The following CHCHD3 variants were observed in gnomAD, a reference collection of about 807,000 sequenced individuals.
CHCHD3 encodes the protein MICOS complex subunit MIC19.
Under a neutral mutation model 38.2 loss-of-function variants are expected in CHCHD3, and 20 were observed. The ratio of observed to expected loss-of-function variants is 0.52; its 90% confidence interval spans 0.37 to 0.76. The LOEUF (loss-of-function observed/expected upper bound fraction) is 0.76, where lower values mean the gene tolerates loss of function less well. Ranked by LOEUF, CHCHD3 falls within the 30% of genes least tolerant of loss-of-function variation. The probability of loss-of-function intolerance (pLI) is 0.00; values close to 1 mark genes in which losing one functional copy is unlikely to be tolerated. For missense variants in CHCHD3, 245 were observed against 279.2 expected, an observed-to-expected ratio of 0.88 and a Z score of 0.87; for synonymous variants, 82 against 100.0, an observed-to-expected ratio of 0.82 and a Z score of 1.07.
intron 5 of CHCHD3, among the ~76,000 whole-genome samples, chr7:132,853,266 A>C (rs1480977597): frequency 6.6e-6 from 1 of 152,210 alleles, no homozygotes; most frequent in Non-Finnish European, 1.5e-5. Context: ...TTAAGCTCAA[A>C]GAATCACTAT....
intron 5 of CHCHD3, among the ~76,000 whole-genome samples, chr7:132,880,623 A>G (rs1475676930): frequency 6.9e-6 from 1 of 145,374 alleles, no homozygotes; most frequent in Non-Finnish European, 1.5e-5. Flanking sequence ...TATGCAAGTT[A>G]TGGAACCTCA....
intron 3 of CHCHD3, among the ~76,000 whole-genome samples, chr7:132,994,296 C>T (rs1812358812): frequency 6.6e-6 from 1 of 152,146 alleles, no homozygotes; most frequent in East Asian, 1.9e-4. Flanking sequence ...TTGTAGCTCA[C>T]TAATAATAAT....
intron 5 of CHCHD3, among the ~76,000 whole-genome samples, chr7:132,882,175 C>T (rs929876733): frequency 6.6e-6 from 1 of 152,110 alleles, no homozygotes; most frequent in African/African-American, 2.4e-5. Context: ...CCCCAATCAC[C>T]ATGAAGATGA....
chr7:133,018,104 A>G (rs1461255919), intron 3 of CHCHD3, among the ~76,000 whole-genome samples: 1 of 152,270 alleles, frequency 6.6e-6, no homozygotes, highest in East Asian at 1.9e-4. Context: ...ATTTAAAAAA[A>G]CAGCAAAAAT....
chr7:133,031,834 G>A (rs980208554), intron 2 of CHCHD3, among the ~76,000 whole-genome samples: 1 of 152,108 alleles, frequency 6.6e-6, no homozygotes, highest in Non-Finnish European at 1.5e-5. Context: ...CCAGGATTGA[G>A]ATAGTTGAGC....
At chr7:132,959,178 C>T (rs144602391) in intron 4 of CHCHD3, among the ~76,000 whole-genome samples, 11 of 152,352 alleles carry the variant, frequency 7.2e-5, no homozygotes, top group Admixed American at 5.2e-4. Flanking sequence ...ATTCTACCTA[C>T]ACCTAACTCC....
intron 4 of CHCHD3, among the ~76,000 whole-genome samples, chr7:132,911,612 T>C (rs1809954198): frequency 6.6e-6 from 1 of 152,264 alleles, no homozygotes; most frequent in Non-Finnish European, 1.5e-5. Context: ...TGTACCGTTA[T>C]ATTTAAAACT....
intron 5 of CHCHD3, among the ~76,000 whole-genome samples, chr7:132,862,922 C>T (rs1222100661): frequency 6.6e-6 from 1 of 152,220 alleles, no homozygotes; most frequent in Non-Finnish European, 1.5e-5. Context: ...CATCTTTGGG[C>T]TCCACTTCTA....
chr7:132,910,574 T>C (rs1385446759), intron 4 of CHCHD3, among the ~76,000 whole-genome samples: 2 of 152,216 alleles, frequency 1.3e-5, no homozygotes, highest in Non-Finnish European at 2.9e-5. Context: ...CACTTCTATG[T>C]GTCATTTTCT....
intron 7 of CHCHD3, among the ~76,000 whole-genome samples, chr7:132,787,208 CGGACGCCAG>C (rs1047268035): frequency 6.6e-6 from 1 of 152,118 alleles, no homozygotes; most frequent in African/African-American, 2.4e-5. Context: ...GGGCCCAGGA[CGGACGCCAG>C]GCTGAGACAT....
chr7:132,954,362 C>T (rs184224009), intron 4 of CHCHD3, among the ~76,000 whole-genome samples: 3 of 152,302 alleles, frequency 2.0e-5, no homozygotes. Flanking sequence ...GATTACATGG[C>T]TCTGTTACAA....
intron 6 of CHCHD3, among the ~76,000 whole-genome samples, chr7:132,836,836 G>A (rs1266461289): frequency 6.6e-6 from 1 of 152,106 alleles, no homozygotes; most frequent in Non-Finnish European, 1.5e-5. Flanking sequence ...TCCACTGCCA[G>A]GTTACTTTTC....
intron 3 of CHCHD3, among the ~76,000 whole-genome samples, chr7:133,012,383 T>C (rs2117414177): frequency 6.6e-6 from 1 of 152,338 alleles, no homozygotes; most frequent in Admixed American, 6.5e-5. Flanking sequence ...CAAAAAGTCC[T>C]TTCATTTGTG....
chr7:133,056,146 C>CA (rs796648838), intron 2 of CHCHD3, among the ~76,000 whole-genome samples: 1,687 of 137,078 alleles, frequency 0.012, 32 homozygotes, highest in African/African-American at 0.04. Flanking sequence ...GACTATGCCT[C>CA]AAAAAAAAAA....
intron 5 of CHCHD3, among the ~76,000 whole-genome samples, chr7:132,847,017 T>C (rs1199492466): frequency 2.0e-5 from 3 of 152,192 alleles, no homozygotes; most frequent in African/African-American, 7.2e-5. Flanking sequence ...GATATAACTA[T>C]GCAAGTGTAT....
intron 3 of CHCHD3, among the ~76,000 whole-genome samples, chr7:133,007,943 C>A (rs1812745384): frequency 6.6e-6 from 1 of 152,192 alleles, no homozygotes; most frequent in South Asian, 2.1e-4. Flanking sequence ...ATTTAATTTG[C>A]CATTTACAGG....
chr7:132,931,527 C>T (rs1810515323), intron 4 of CHCHD3, among the ~76,000 whole-genome samples: 2 of 152,060 alleles, frequency 1.3e-5, no homozygotes, highest in South Asian at 4.1e-4. Context: ...GAACATAAAG[C>T]GCTAATCAAA....
intron 4 of CHCHD3, among the ~76,000 whole-genome samples, chr7:132,932,542 A>G (rs1353210395): frequency 6.6e-6 from 1 of 152,192 alleles, no homozygotes; most frequent in Non-Finnish European, 1.5e-5. Flanking sequence ...ACTGCCATTC[A>G]TGCACTCTGA....
intron 2 of CHCHD3, among the ~76,000 whole-genome samples, chr7:133,053,770 A>G (rs1485992511): frequency 4.6e-5 from 7 of 152,206 alleles, no homozygotes; most frequent in Admixed American, 1.3e-4. Context: ...TGTTTTATTT[A>G]AGTTACTTGA....
Sources: allele counts gnomAD v4.1 joint callset (sites outside exome capture counted in the v4.1 genomes callset), GRCh38; gene constraint gnomAD v4.1.1; transcripts MANE v1.5; gene names NCBI Gene and HGNC (gene_info 2026-07-23, HGNC 2026-07-21).